Variants in GRID2 observed in about 807,000 individuals in gnomAD.
GRID2 encodes the protein glutamate receptor ionotropic, delta-2.
GRID2 carries 33 observed loss-of-function variants against 114.8 expected under a neutral mutation model. That is an observed-to-expected ratio of 0.29 (90% CI 0.22 to 0.38). The LOEUF (loss-of-function observed/expected upper bound fraction) is 0.38, where lower values mean the gene tolerates loss of function less well. Ranked by LOEUF, GRID2 falls within the 10% of genes least tolerant of loss-of-function variation. The probability of loss-of-function intolerance (pLI) is 1.00; values close to 1 mark genes in which losing one functional copy is unlikely to be tolerated. For synonymous variants in GRID2, 505 were observed against 449.9 expected (o/e 1.12, Z -1.55); for missense variants, 1,184 against 1,257.7 (o/e 0.94, Z 0.89).
At chr4:93,302,790 T>C (rs1248004340) in intron 8 of GRID2, 1 of 322,216 alleles carries the variant, frequency 3.1e-6, no homozygotes. Context: ...GAGAGACTAA[T>C]TATAATGATT....
At chr4:92,749,291 G>A (rs1464778897) in intron 2 of GRID2, among the ~76,000 whole-genome samples, 3 of 137,476 alleles carry the variant, frequency 2.2e-5, no homozygotes, top group Non-Finnish European at 4.6e-5. Flanking sequence ...GAGACGCCGC[G>A]CCCGGCCTTG....
chr4:93,514,685 G>A (rs1254549581), intron 12 of GRID2, among the ~76,000 whole-genome samples: 2 of 152,028 alleles, frequency 1.3e-5, no homozygotes, highest in Non-Finnish European at 2.9e-5. Flanking sequence ...TGAGGATAAT[G>A]TATATCAATT....
intron 1 of GRID2, among the ~76,000 whole-genome samples, chr4:92,565,604 C>T (rs1272121652): frequency 1.3e-5 from 2 of 151,892 alleles, no homozygotes; most frequent in African/African-American, 2.4e-5. Context: ...TATAGCTAGA[C>T]TATAATCTCT....
chr4:93,361,567 T>A (rs1405164210), intron 8 of GRID2, among the ~76,000 whole-genome samples: 1 of 151,864 alleles, frequency 6.6e-6, no homozygotes, highest in East Asian at 1.9e-4. Context: ...TGGTCATGCA[T>A]GTTGTCCACC....
chr4:93,542,932 A>G (rs1365409716), intron 13 of GRID2, among the ~76,000 whole-genome samples: 1 of 152,084 alleles, frequency 6.6e-6, no homozygotes, highest in Non-Finnish European at 1.5e-5. Context: ...CTGGTCATAT[A>G]TGAGCTTACA....
chr4:92,612,023 G>A (rs1016801769), intron 2 of GRID2, among the ~76,000 whole-genome samples: 2 of 150,942 alleles, frequency 1.3e-5, no homozygotes, highest in African/African-American at 4.9e-5. Flanking sequence ...AAACTTATGT[G>A]TTTAGCTTTG....
At chr4:93,321,559 T>A (rs1185113760) in intron 8 of GRID2, among the ~76,000 whole-genome samples, 2 of 152,122 alleles carry the variant, frequency 1.3e-5, no homozygotes, top group African/African-American at 4.8e-5. Flanking sequence ...ATTTCATGAT[T>A]TCATGTGTCA....
chr4:93,574,134 G>A (rs562570030), intron 13 of GRID2, among the ~76,000 whole-genome samples: 33 of 152,256 alleles, frequency 2.2e-4, no homozygotes, highest in Admixed American at 9.8e-4. Flanking sequence ...TAAATTCACA[G>A]TCCCTATTCA....
chr4:93,271,724 C>T (rs1375292979), intron 8 of GRID2, among the ~76,000 whole-genome samples: 1 of 151,816 alleles, frequency 6.6e-6, no homozygotes, highest in Non-Finnish European at 1.5e-5. Flanking sequence ...AAAAATTAAC[C>T]CAGCAGAAAA....
intron 2 of GRID2, among the ~76,000 whole-genome samples, chr4:92,831,604 A>G (rs907705654): frequency 1.3e-5 from 2 of 151,626 alleles, no homozygotes; most frequent in Non-Finnish European, 1.5e-5. Context: ...CTGTAATCCC[A>G]GTACTTTGGG....
intron 13 of GRID2, among the ~76,000 whole-genome samples, chr4:93,586,216 C>T (rs1010368047): frequency 3.9e-5 from 6 of 152,064 alleles, no homozygotes; most frequent in African/African-American, 1.2e-4. Context: ...TACCACCACC[C>T]GTATCATTCA....
chr4:92,600,044 GTATATATATATATATATATATATATATA>G lies in GRID2; in HGVS notation c.244+9776_244+9803del, dbSNP rs70942915. 8.2e-3 allele frequency among the ~76,000 whole-genome samples: 447 copies of G among 54,444 alleles called. 27 individuals carry two copies. Among genetic ancestry groups the G allele is most frequent in the Non-Finnish European group, 7.5e-3 (219 of 29,016 alleles). 35.7% of individuals were successfully genotyped at this position (54,444 alleles called of 152,430 possible). On this transcript the variant is annotated intron_variant, in intron 2 of 15. Coordinates refer to ENST00000282020, the MANE Select transcript of GRID2 (RefSeq NM_001510.4). ...CATGTATGTGTGTGTGTGTGTGTGT[GTATATATATATATATATATATATATATA>G]TATATATATATATATATTTCTCAGA...
At chr4:93,097,160 A>T (rs1221586840) in intron 3 of GRID2, among the ~76,000 whole-genome samples, 1 of 151,982 alleles carries the variant, frequency 6.6e-6, no homozygotes, top group African/African-American at 2.4e-5. Flanking sequence ...AAGCGACACA[A>T]AATAACTTTT....
intron 1 of GRID2, among the ~76,000 whole-genome samples, chr4:92,496,301 CCTT>C (rs1560670608): frequency 1.3e-5 from 2 of 151,826 alleles, no homozygotes; most frequent in Non-Finnish European, 2.9e-5. Flanking sequence ...TTCTAACCCT[CCTT>C]CTAGTTATAC....
chr4:92,515,065 T>G (rs967969163), intron 1 of GRID2, among the ~76,000 whole-genome samples: 1 of 151,972 alleles, frequency 6.6e-6, no homozygotes, highest in Non-Finnish European at 1.5e-5. Context: ...CTGAGGGAAG[T>G]GCAGTTTCTT....
intron 8 of GRID2, among the ~76,000 whole-genome samples, chr4:93,317,147 C>T (rs1352723617): frequency 6.6e-6 from 1 of 151,792 alleles, no homozygotes. Flanking sequence ...TCTTTTAAAT[C>T]AATGTGTCCA....
At chr4:92,342,001 G>A (rs756171565) in intron 1 of GRID2, among the ~76,000 whole-genome samples, 33 of 151,632 alleles carry the variant, frequency 2.2e-4, no homozygotes, top group Non-Finnish European at 1.8e-4. Flanking sequence ...TTAAATTGAG[G>A]AATAACAAAC....
intron 1 of GRID2, among the ~76,000 whole-genome samples, chr4:92,572,068 C>A (rs1317518691): frequency 1.3e-5 from 2 of 152,114 alleles, no homozygotes; most frequent in East Asian, 1.9e-4. Context: ...ACACAAAAAA[C>A]CCTTCAAAAA....
intron 11 of GRID2, among the ~76,000 whole-genome samples, chr4:93,475,517 G>A (rs566839155): frequency 1.3e-5 from 2 of 152,114 alleles, no homozygotes; most frequent in African/African-American, 2.4e-5. Flanking sequence ...CATTTTGGAG[G>A]CTTAAAAATG....
Sources: allele counts gnomAD v4.1 joint callset (sites outside exome capture counted in the v4.1 genomes callset), GRCh38; gene constraint gnomAD v4.1.1; transcripts MANE v1.5; gene names NCBI Gene and HGNC (gene_info 2026-07-23, HGNC 2026-07-21).